DENND1B: variants seen among roughly 807,000 people sequenced by gnomAD.
The protein encoded by DENND1B is DENN domain containing 1B, also known as DENN domain-containing protein 1B.
Under a neutral mutation model 90.1 loss-of-function variants are expected in DENND1B, and 59 were observed. That is an observed-to-expected ratio of 0.65 (90% CI 0.53 to 0.81). DENND1B has a LOEUF of 0.81. DENND1B is among the 40% of genes least tolerant of loss of function. The pLI, the probability that DENND1B is intolerant of heterozygous loss-of-function variation, is 0.00. For missense variants in DENND1B, 862 were observed against 912.6 expected (o/e 0.94, Z 0.71); for synonymous variants, 337 against 324.6 (o/e 1.04, Z -0.41).
At chr1:197,535,843 G>T (rs1669837251) in intron 20 of DENND1B, among the ~76,000 whole-genome samples, 1 of 152,214 alleles carries the variant, frequency 6.6e-6, no homozygotes, top group South Asian at 2.1e-4. Flanking sequence ...TTAAGGAACT[G>T]GATTCTAGAA....
chr1:197,556,495 TA>T (rs903092164), intron 15 of DENND1B, among the ~76,000 whole-genome samples: 2 of 152,064 alleles, frequency 1.3e-5, no homozygotes, highest in Non-Finnish European at 2.9e-5. Context: ...TTAGATTTTT[TA>T]GAGCATGAGT....
chr1:197,561,932 A>G (rs1199955153), intron 15 of DENND1B, among the ~76,000 whole-genome samples: 1 of 151,778 alleles, frequency 6.6e-6, no homozygotes, highest in Non-Finnish European at 1.5e-5. Flanking sequence ...TCAATTTCTC[A>G]CCTAGATGAC....
intron 6 of DENND1B, among the ~76,000 whole-genome samples, chr1:197,655,620 C>T (rs1653730728): frequency 6.6e-6 from 1 of 152,110 alleles, no homozygotes; most frequent in African/African-American, 2.4e-5. Flanking sequence ...CAAGCTCCGC[C>T]TCCCGGGTTC....
chr1:197,725,856 T>C (rs2102293652), intron 2 of DENND1B, among the ~76,000 whole-genome samples: 1 of 152,178 alleles, frequency 6.6e-6, no homozygotes, highest in Non-Finnish European at 1.5e-5. Flanking sequence ...AGGATCACCC[T>C]GGCTTCTGTG....
intron 2 of DENND1B, among the ~76,000 whole-genome samples, chr1:197,717,831 G>C (rs1660785912): frequency 6.6e-6 from 1 of 151,908 alleles, no homozygotes; most frequent in Admixed American, 6.6e-5. Context: ...AAAAGAGTAT[G>C]CAGTAAAAGA....
In DENND1B at chr1:197,535,524, T is replaced by A. The variant is rs559558927; in HGVS notation, c.1515+4440A>T. Among the ~76,000 whole-genome samples, 3 of 152,340 alleles carry A rather than the reference T, an allele frequency of 2.0e-5. No individual in the cohort carries two copies. The East Asian group carries it at 5.8e-4, about 29-fold the overall frequency. Reference sequence around the variant, plus strand: ...TTATAGTAATACTCAGAACAGCATGTCATTAAAAGTTTATGAATTATTTAT... The same window carrying A: ...TTATAGTAATACTCAGAACAGCATGACATTAAAAGTTTATGAATTATTTAT... On this transcript the variant is annotated intron_variant, in intron 20 of 22. Transcript: ENST00000620048.
intron 15 of DENND1B, among the ~76,000 whole-genome samples, chr1:197,558,057 T>A (rs565190873): frequency 6.6e-6 from 1 of 151,986 alleles, no homozygotes; most frequent in Non-Finnish European, 1.5e-5. Context: ...TTATAAGTAA[T>A]GACAAATAGC....
At chr1:197,740,935 G>A (rs1344973264) in intron 2 of DENND1B, among the ~76,000 whole-genome samples, 1 of 152,096 alleles carries the variant, frequency 6.6e-6, no homozygotes, top group Non-Finnish European at 1.5e-5. Context: ...TTGAAGGAAG[G>A]AGTGAAAAGC....
chr1:197,552,454 CAG>C (rs1671317856), intron 16 of DENND1B: 3 of 985,054 alleles, frequency 3.0e-6, no homozygotes, highest in Non-Finnish European at 1.2e-6. Context: ...ATAATTATAA[CAG>C]TATTTGAACA....
intron 3 of DENND1B, among the ~76,000 whole-genome samples, chr1:197,692,561 C>G (rs1173955528): frequency 6.6e-6 from 1 of 151,744 alleles, no homozygotes; most frequent in Non-Finnish European, 1.5e-5. Context: ...TTGGAGTTAT[C>G]TGATGTTAAT....
At chr1:197,629,978 G>A (rs1270988048) in intron 10 of DENND1B, among the ~76,000 whole-genome samples, 1 of 151,952 alleles carries the variant, frequency 6.6e-6, no homozygotes, top group Non-Finnish European at 1.5e-5. Context: ...TGTCATCAGG[G>A]AAAGGCAAAT....
intron 7 of DENND1B, among the ~76,000 whole-genome samples, chr1:197,649,157 T>C (rs1436722129): frequency 6.6e-6 from 1 of 152,152 alleles, no homozygotes; most frequent in Non-Finnish European, 1.5e-5. Context: ...TGATGTTCAT[T>C]CAAGAAGCTG....
chr1:197,522,051 C>A (rs16841661), intron 20 of DENND1B, among the ~76,000 whole-genome samples: 509 of 152,020 alleles, frequency 3.3e-3, no homozygotes, highest in Middle Eastern at 0.01. Flanking sequence ...AAATAAATGT[C>A]CAAGAACTAG....
chr1:197,577,203 C>A (rs1673758607), intron 15 of DENND1B, among the ~76,000 whole-genome samples: 1 of 152,084 alleles, frequency 6.6e-6, no homozygotes, highest in African/African-American at 2.4e-5. Flanking sequence ...ATAACTCAGA[C>A]ATGAACAGAG....
chr1:197,703,013 G>A (rs549913100), intron 3 of DENND1B, among the ~76,000 whole-genome samples: 1 of 151,734 alleles, frequency 6.6e-6, no homozygotes, highest in South Asian at 2.1e-4. Context: ...TTTGAGATAG[G>A]GTCTCACTCT....
chr1:197,626,352 C>T (rs1678722645), intron 10 of DENND1B, among the ~76,000 whole-genome samples: 1 of 152,114 alleles, frequency 6.6e-6, no homozygotes, highest in South Asian at 2.1e-4. Flanking sequence ...CGAACTAGAA[C>T]TCAGGATTAA....
intron 10 of DENND1B, among the ~76,000 whole-genome samples, chr1:197,638,489 G>A (rs1472001826): frequency 6.6e-6 from 1 of 152,174 alleles, no homozygotes; most frequent in African/African-American, 2.4e-5. Flanking sequence ...CCGGGTGTTT[G>A]AGACAAAATG....
intron 13 of DENND1B, among the ~76,000 whole-genome samples, chr1:197,597,984 T>A (rs182553314): frequency 3.3e-5 from 5 of 151,836 alleles, no homozygotes; most frequent in Non-Finnish European, 5.9e-5. Flanking sequence ...AAATAAAATA[T>A]ATCGTTAACA....
intron 20 of DENND1B, among the ~76,000 whole-genome samples, chr1:197,536,271 C>T (rs965133523): frequency 2.0e-5 from 3 of 151,954 alleles, no homozygotes; most frequent in Admixed American, 2.0e-4. Context: ...TACCGGAAGC[C>T]TAGATATATT....
Sources: allele counts gnomAD v4.1 joint callset (sites outside exome capture counted in the v4.1 genomes callset), GRCh38; gene constraint gnomAD v4.1.1; transcripts MANE v1.5; gene names NCBI Gene and HGNC (gene_info 2026-07-23, HGNC 2026-07-21).